MDGA1: variants seen among roughly 807,000 people sequenced by gnomAD.
The protein encoded by MDGA1 is MAM domain containing glycosylphosphatidylinositol anchor 1.
Under a neutral mutation model 101.5 loss-of-function variants are expected in MDGA1, and 54 were observed. The ratio of observed to expected loss-of-function variants is 0.53; its 90% confidence interval spans 0.43 to 0.67. The LOEUF is 0.67. Ranked by LOEUF, MDGA1 falls within the 30% of genes least tolerant of loss-of-function variation. The probability of loss-of-function intolerance (pLI) is 0.00; values close to 1 mark genes in which losing one functional copy is unlikely to be tolerated. For synonymous variants in MDGA1, 533 were observed against 558.3 expected, an observed-to-expected ratio of 0.95 and a Z score of 0.64; for missense variants, 1,083 against 1,323.8, an observed-to-expected ratio of 0.82 and a Z score of 2.82.
chr6:37,635,759 C>T lies in MDGA1; in HGVS notation c.*1609G>A, dbSNP rs804840. On this transcript the variant is annotated 3_prime_UTR_variant, in exon 17 of 17. Transcript: ENST00000434837. ...TCAATAGGGTCATCTGTAAGCTCTC[C>T]GTCATCCATAGGGGATGAAAGGTGG... is the stretch of plus-strand genomic sequence containing the variant. 338,935 of 398,604 alleles carry T rather than the reference C, an allele frequency of 0.85. 145,199 individuals are homozygous for T. Among genetic ancestry groups the T allele is most frequent in the East Asian group, 1 (28,022 of 28,078 alleles). 24.7% of individuals were successfully genotyped at this position (398,604 alleles called of 1,614,324 possible).
intron 2 of MDGA1, among the ~76,000 whole-genome samples, chr6:37,661,990 G>GA (rs35222857): frequency 2.5e-4 from 36 of 145,778 alleles, no homozygotes; most frequent in African/African-American, 4.8e-4. Context: ...ACCTGTCTCT[G>GA]AAAAAAAAAA....
chr6:37,649,299 TC>T (rs1006885811), intron 8 of MDGA1, 33 bp from the exon 9 acceptor site: 5 of 1,453,286 alleles, frequency 3.4e-6, no homozygotes, highest in South Asian at 1.4e-5. Flanking sequence ...GCGGGGCCTC[TC>T]CCCAGCGAGT....
intron 1 of MDGA1, among the ~76,000 whole-genome samples, chr6:37,669,343 T>C (rs547334063): frequency 1.3e-5 from 2 of 152,204 alleles, no homozygotes; most frequent in Non-Finnish European, 2.9e-5. Context: ...TGGGATGATA[T>C]TAACCATTGA....
chr6:37,658,242 C>A lies in MDGA1; in HGVS notation c.382+3G>T. 6.3e-7 allele frequency: 1 copy of A among 1,583,230 alleles called. No individual in the cohort carries two copies. Among genetic ancestry groups the A allele is most frequent in the South Asian group, 1.1e-5 (1 of 87,182 alleles). ...CCCGGGGAGAGAGGGGGCCTCAACT[C>A]ACACTGCACGTCCACGCGGATGGAC... On this transcript the variant is annotated splice_donor_region_variant and intron_variant, in intron 3 of 16. Coordinates refer to ENST00000434837, the MANE Select transcript of MDGA1 (RefSeq NM_153487.4).
chr6:37,668,830 T>G (rs1400393072), intron 1 of MDGA1, among the ~76,000 whole-genome samples: 1 of 151,866 alleles, frequency 6.6e-6, no homozygotes, highest in East Asian at 1.9e-4. Context: ...GAACTAACTT[T>G]TTCTCTCTTT....
chr6:37,660,180 T>G (rs3890494), intron 2 of MDGA1, among the ~76,000 whole-genome samples: 9,984 of 36,066 alleles, frequency 0.28, 443 homozygotes, highest in East Asian at 0.52. Context: ...ACCTGGCTAA[T>G]TTTTTTTTTT....
At chr6:37,640,594 G>A (rs141419137) in intron 14 of MDGA1, among the ~76,000 whole-genome samples, 103 of 152,268 alleles carry the variant, frequency 6.8e-4, no homozygotes, top group African/African-American at 2.3e-3. Context: ...TGGGATTACA[G>A]GCGTGAGCCA....
In MDGA1 at chr6:37,635,888, C is replaced by G. The variant is rs1034548674; in HGVS notation, c.*1480G>C. 1 of 397,940 alleles carries G rather than the reference C, an allele frequency of 2.5e-6. No homozygotes were observed. Among genetic ancestry groups the G allele is most frequent in the African/African-American group, 2.1e-5 (1 of 48,746 alleles). 24.7% of individuals were successfully genotyped at this position (397,940 alleles called of 1,614,324 possible). On this transcript the variant is annotated 3_prime_UTR_variant, in exon 17 of 17. Coordinates refer to ENST00000434837, the MANE Select transcript of MDGA1 (RefSeq NM_153487.4). ...AACACATCACTCAGGAAGGTGGACA[C>G]ACACGCTGACGTACACGGACATTCA...
rs1763952078 is a variant in MDGA1 at position 37,637,344 on chromosome 6, G to A, written c.*24C>T. The A allele has an allele frequency of 1.3e-6, 2 of 1,565,396 alleles. No individual in the cohort carries two copies. Among genetic ancestry groups the A allele is most frequent in the Non-Finnish European group, 8.8e-7 (1 of 1,138,790 alleles). ...ACTTTGGTGTGCCGGGGGCAAGGTT[G>A]GGGGGGTGGCCACACAGCTCTCATC... On this transcript the variant is annotated 3_prime_UTR_variant, in exon 17 of 17. Coordinates refer to ENST00000434837, the MANE Select transcript of MDGA1 (RefSeq NM_153487.4).
intron 6 of MDGA1, among the ~76,000 whole-genome samples, chr6:37,653,049 G>A (rs1761405120): frequency 6.6e-6 from 1 of 152,200 alleles, no homozygotes; most frequent in African/African-American, 2.4e-5. Flanking sequence ...AAAAAAATGT[G>A]GATCATGTTT....
At chr6:37,649,845 C>T in intron 8 of MDGA1, 1 of 671,164 alleles carries the variant, frequency 1.5e-6, no homozygotes, top group Non-Finnish European at 2.7e-6. Flanking sequence ...TTCAAAATCC[C>T]ATTTCCACCT....
chr6:37,694,079 C>A (rs1010117041), intron 1 of MDGA1, among the ~76,000 whole-genome samples: 6 of 152,196 alleles, frequency 3.9e-5, no homozygotes, highest in African/African-American at 1.4e-4. Flanking sequence ...CTCTGTTCAG[C>A]CCCTCCCTTA....
intron 1 of MDGA1, among the ~76,000 whole-genome samples, chr6:37,679,646 A>G (rs1402107819): frequency 6.6e-6 from 1 of 152,152 alleles, no homozygotes; most frequent in African/African-American, 2.4e-5. Flanking sequence ...AGCCAGTGAC[A>G]GCGGCAGCTT....
intron 1 of MDGA1, among the ~76,000 whole-genome samples, chr6:37,678,195 T>C (rs1187831603): frequency 6.6e-6 from 1 of 152,126 alleles, no homozygotes; most frequent in Non-Finnish European, 1.5e-5. Flanking sequence ...CTTGTATTAG[T>C]GGGAACACGT....
chr6:37,654,981 G>A (rs2114030379), intron 4 of MDGA1, 49 bp from the exon 5 acceptor site: 1 of 1,603,552 alleles, frequency 6.2e-7, no homozygotes, highest in Non-Finnish European at 8.5e-7. Flanking sequence ...GAGTCTCCAG[G>A]GATCCCGCAT....
chr6:37,652,359 G>A lies in MDGA1; in HGVS notation c.983-19C>T, dbSNP rs1175404118. 2 of 1,576,230 alleles carry A rather than the reference G, an allele frequency of 1.3e-6. No individual in the cohort carries two copies. Among genetic ancestry groups the A allele is most frequent in the Admixed American group, 3.6e-5 (2 of 55,710 alleles). Reference sequence around the variant, plus strand: ...TTCATGGCTGTGAGTGGATGGGGAGGGAAGGGTAGTTGGGGTTGGCCTGAC... The same window carrying A: ...TTCATGGCTGTGAGTGGATGGGGAGAGAAGGGTAGTTGGGGTTGGCCTGAC... On this transcript the variant is annotated intron_variant, in intron 6 of 16. Transcript: ENST00000434837. This position sits in a 1 kb window ranked among gnomAD's most constrained non-coding sequence, Gnocchi z 4.3.
chr6:37,650,309 C>T lies in MDGA1; in HGVS notation c.1409G>A (p.Arg470Gln), dbSNP rs752656150. Residue 470 changes from arginine (R) to glutamine (Q), a missense_variant, in exon 8 of 17, where the codon CGG becomes CAG. By Grantham distance (43) the Arg-to-Gln change is conservative. Transcript: ENST00000434837. The part of the protein sequence containing the change: ...ELQCEVRGKP[R>Q]PPVLWSRVDK... The stretch of plus-strand genomic sequence containing the variant: ...CACGCGGGACCAGAGCACTGGCGGC[C>T]GCGGCTTGCCCCGCACCTCGCATTG... The T allele has an allele frequency of 1.9e-6, 3 of 1,595,528 alleles. No homozygotes were observed. The highest frequency in any genetic ancestry group is 2.6e-6 in the Non-Finnish European group (3 of 1,173,254).
chr6:37,655,343 AAG>A lies in MDGA1; in HGVS notation c.579+355_579+356del, dbSNP rs1427125713. 2 of 334,106 alleles carry A rather than the reference AAG, an allele frequency of 6.0e-6. No individual in the cohort carries two copies. The highest frequency in any genetic ancestry group is 4.6e-5 in the Admixed American group (1 of 21,694). 20.7% of individuals were successfully genotyped at this position (334,106 alleles called of 1,614,324 possible). A position where few individuals can be genotyped will look rare whatever the true frequency, so the allele number is the denominator to read the frequency against. On this transcript the variant is annotated intron_variant, in intron 4 of 16. Coordinates refer to ENST00000434837, the MANE Select transcript of MDGA1 (RefSeq NM_153487.4). This position sits in a 1 kb window ranked among gnomAD's most constrained non-coding sequence, Gnocchi z 5.1. Reference sequence around the variant, plus strand: ...TCCTGGGACTATCAGGGCCCATGGGAAGAGGAGTCATCTCCTCGCCCCCAGAT... The same window carrying A: ...TCCTGGGACTATCAGGGCCCATGGGAAGGAGTCATCTCCTCGCCCCCAGAT...
In MDGA1 at chr6:37,645,919, C is replaced by T; in HGVS notation, c.2248+14G>A. On this transcript the variant is annotated intron_variant, in intron 12 of 16. Coordinates refer to ENST00000434837, the MANE Select transcript of MDGA1 (RefSeq NM_153487.4). ...AAAGGGAAGGGGAAGTCATGGGTGA[C>T]TGGGGAGTCTCACCTGAAAGGTTCG... 6.2e-7 allele frequency: 1 copy of T among 1,613,946 alleles called. No homozygotes were observed. The highest frequency in any genetic ancestry group is 8.5e-7 in the Non-Finnish European group (1 of 1,179,858).
Sources: allele counts gnomAD v4.1 joint callset (sites outside exome capture counted in the v4.1 genomes callset), GRCh38; gene constraint gnomAD v4.1.1; non-coding constraint Gnocchi (gnomAD v3.1); transcripts MANE v1.5; gene names NCBI Gene and HGNC (gene_info 2026-07-23, HGNC 2026-07-21).